Variants in CLTCL1 observed in about 807,000 individuals in gnomAD.
CLTCL1 encodes clathrin heavy chain 2.
CLTCL1 carries 159 observed loss-of-function variants against 190.0 expected under a neutral mutation model. The ratio of observed to expected loss-of-function variants is 0.84; its 90% CI spans 0.74 to 0.95. The LOEUF (loss-of-function observed/expected upper bound fraction) is 0.95. CLTCL1 is among the 40% of genes least tolerant of loss of function. The pLI is 0.00. For synonymous variants in CLTCL1, 752 were observed against 769.6 expected (o/e 0.98, Z 0.38); for missense variants, 1,878 against 2,033.4 (o/e 0.92, Z 1.47).
intron 1 of CLTCL1, among the ~76,000 whole-genome samples, chr22:19,287,622 T>C (rs1423952076): frequency 3.3e-5 from 5 of 151,956 alleles, no homozygotes; most frequent in Admixed American, 2.6e-4. Context: ...AGACTAGAAG[T>C]AGAAGGACAA....
At chr22:19,246,981 A>G (rs1377798967) in intron 3 of CLTCL1, among the ~76,000 whole-genome samples, 3 of 152,178 alleles carry the variant, frequency 2.0e-5, no homozygotes, top group South Asian at 4.1e-4. Context: ...TTTATGCACA[A>G]AAGTTTTTAA....
At chr22:19,221,896 A>G in intron 16 of CLTCL1, 55 bp downstream of exon 16, 7 of 1,589,282 alleles carry the variant, frequency 4.4e-6, no homozygotes, top group Non-Finnish European at 6.0e-6. Context: ...GACAGAAACA[A>G]CAACAGACAC....
chr22:19,201,476 G>C lies in CLTCL1; in HGVS notation c.3618C>G (p.Tyr1206Ter), dbSNP rs782352241. 10 of 1,613,216 alleles carry C rather than the reference G, an allele frequency of 6.2e-6. No individual in the cohort carries two copies. The Admixed American group carries it at 6.7e-5, about 11-fold the overall frequency. ...TGGCAGCCTCGTACATTCCCTCCTC[G>C]TAACAGCGGTCTCCAACCTACGGAT... ...AHIQQVGDRC[Y>*]EEGMYEAAKL... Residue 1206 changes from tyrosine to a stop codon, truncating the protein, a stop_gained, in exon 23 of 33, where the codon TAC becomes TAG. Coordinates refer to ENST00000427926, the MANE Select transcript of CLTCL1 (RefSeq NM_007098.4). LOFTEE classifies it high-confidence loss of function.
chr22:19,216,024 A>G, intron 19 of CLTCL1, 87 bp downstream of exon 19: 1 of 1,322,936 alleles, frequency 7.6e-7, no homozygotes, highest in Non-Finnish European at 1.0e-6. Flanking sequence ...GGATGGGTGA[A>G]GCGGTACGAG....
chr22:19,290,602 T>A (rs1340599588), intron 1 of CLTCL1, among the ~76,000 whole-genome samples: 2 of 152,128 alleles, frequency 1.3e-5, no homozygotes, highest in Non-Finnish European at 2.9e-5. Context: ...GATATCAAGT[T>A]TCCAGTCTGC....
At chr22:19,252,752 C>G (rs782044457) in intron 3 of CLTCL1, among the ~76,000 whole-genome samples, 2 of 152,174 alleles carry the variant, frequency 1.3e-5, no homozygotes, top group South Asian at 2.1e-4. Flanking sequence ...CGGTGGCTCA[C>G]GCCTGTAATC....
In CLTCL1 at chr22:19,222,677, G is replaced by A; in HGVS notation, c.2418+7C>T. ...AGCCGGGTGTCACTCCAGGGAGCCA[G>A]CAGTACCTTCTGCACGTAGATCTCA... is the stretch of plus-strand genomic sequence containing the variant. On this transcript the variant is annotated splice_region_variant and intron_variant, in intron 15 of 32. Coordinates refer to ENST00000427926, the MANE Select transcript of CLTCL1 (RefSeq NM_007098.4). 1 of 1,587,522 alleles carries A rather than the reference G, an allele frequency of 6.3e-7. No homozygotes were observed. The highest frequency in any genetic ancestry group is 8.6e-7 in the Non-Finnish European group (1 of 1,166,878).
chr22:19,239,280 T>G lies in CLTCL1; in HGVS notation c.790A>C (p.Met264Leu). ...PEAQNDFPVA[M>L]QIGAKHGVIY... is the part of the protein sequence containing the mutation. ...AGAGAGCAGCACATTCGTACCTGCA[T>G]AGCCACTGGAAAATCATTCTGTGCC... is the stretch of plus-strand genomic sequence containing the variant. Residue 264 changes from methionine to leucine, a missense_variant, in exon 5 of 33, where the codon ATG (methionine) becomes CTG (leucine). By Grantham distance (15) the Met-to-Leu change is conservative. Coordinates refer to ENST00000427926, the MANE Select transcript of CLTCL1 (RefSeq NM_007098.4). 6.2e-7 allele frequency: 1 copy of G among 1,610,728 alleles called. No homozygotes were observed. The highest frequency in any genetic ancestry group is 1.1e-5 in the South Asian group (1 of 91,030).
At chr22:19,274,650 T>TA (rs2087434606) in intron 2 of CLTCL1, among the ~76,000 whole-genome samples, 1 of 151,866 alleles carries the variant, frequency 6.6e-6, no homozygotes, top group South Asian at 2.1e-4. Context: ...ATTTCTGTAA[T>TA]AAAATAGAAG....
intron 19 of CLTCL1, among the ~76,000 whole-genome samples, chr22:19,213,086 A>C (rs1399926927): frequency 6.6e-6 from 1 of 152,242 alleles, no homozygotes; most frequent in African/African-American, 2.4e-5. Context: ...CCAACAAAGG[A>C]CTTGTATCCA....
At chr22:19,221,356 C>T in intron 17 of CLTCL1, 21 bp downstream of exon 17, 2 of 1,523,874 alleles carry the variant, frequency 1.3e-6, no homozygotes, top group Non-Finnish European at 1.8e-6. Context: ...ACATGGGCAG[C>T]TCAGCACATC....
chr22:19,227,423 C>T (rs1476294633), intron 11 of CLTCL1, among the ~76,000 whole-genome samples: 1 of 150,542 alleles, frequency 6.6e-6, no homozygotes, highest in Non-Finnish European at 1.5e-5. Flanking sequence ...GCTGGGATTA[C>T]AGGCACATGC....
In CLTCL1 at chr22:19,245,507, AT is replaced by A. The variant is rs140218406; in HGVS notation, c.520-2572del. On this transcript the variant is annotated intron_variant, in intron 3 of 32. Coordinates refer to ENST00000427926, the MANE Select transcript of CLTCL1 (RefSeq NM_007098.4). ...ACACCTGGCTTCCCCTCCCCTTTTT[AT>A]GTTGAGGTGACATTCACAAAACAAA... Among the ~76,000 whole-genome samples, 1,433 of 152,198 alleles carry A rather than the reference AT, an allele frequency of 9.4e-3. 36 individuals are homozygous for A. The highest frequency in any genetic ancestry group is 0.069 in the East Asian group (355 of 5,172).
intron 1 of CLTCL1, among the ~76,000 whole-genome samples, chr22:19,277,040 A>G (rs1157299867): frequency 6.6e-6 from 1 of 152,186 alleles, no homozygotes; most frequent in Non-Finnish European, 1.5e-5. Context: ...ACCACTTAAC[A>G]TCTGTTACCT....
intron 19 of CLTCL1, among the ~76,000 whole-genome samples, chr22:19,213,782 A>G (rs1601538827): frequency 6.6e-6 from 1 of 151,766 alleles, no homozygotes; most frequent in African/African-American, 2.4e-5. Flanking sequence ...GGTTTGGGGG[A>G]ATGTATAATA....
Position 19,180,227 on chromosome 22 carries a change from G to A in CLTCL1, c.4915C>T (p.His1639Tyr). 6.2e-7 allele frequency: 1 copy of A among 1,613,758 alleles called. No individual in the cohort carries two copies. Among genetic ancestry groups the A allele is most frequent in the Non-Finnish European group, 8.5e-7 (1 of 1,179,842 alleles). ...GTGCAATCAGCTGGGTCTCATTCAT[G>A]CCCATCAAAATCTAAAAAAACCAGA... ...PAPLVFDFDG[H>Y]E Residue 1639 changes from histidine (H) to tyrosine (Y), a missense_variant, in exon 32 of 33, where the codon CAT becomes TAT. His to Tyr is a moderately conservative substitution (Grantham distance 83, BLOSUM62 2). Transcript: ENST00000427926.
At chr22:19,218,656 G>A (rs183277909) in intron 18 of CLTCL1, among the ~76,000 whole-genome samples, 16 of 152,306 alleles carry the variant, frequency 1.1e-4, no homozygotes, top group African/African-American at 1.4e-4. Context: ...TTCCAACATT[G>A]GTCTTGCCCC....
chr22:19,288,867 C>G (rs1295382550), intron 1 of CLTCL1, among the ~76,000 whole-genome samples: 1 of 152,250 alleles, frequency 6.6e-6, no homozygotes, highest in Non-Finnish European at 1.5e-5. Flanking sequence ...CCCTGGGAAA[C>G]TGTGGAACCA....
intron 2 of CLTCL1, among the ~76,000 whole-genome samples, chr22:19,271,784 G>T (rs956571576): frequency 2.0e-5 from 3 of 152,084 alleles, no homozygotes; most frequent in Non-Finnish European, 2.9e-5. Flanking sequence ...TGTCTGTTTT[G>T]TTTTGTTTTG....
Sources: allele counts gnomAD v4.1 joint callset (sites outside exome capture counted in the v4.1 genomes callset), GRCh38; gene constraint gnomAD v4.1.1; transcripts MANE v1.5; gene names NCBI Gene and HGNC (gene_info 2026-07-23, HGNC 2026-07-21).